Variants in PCNX4 observed in about 807,000 individuals in gnomAD.
PCNX4 encodes the protein pecanex-like protein 4.
In PCNX4, 103 loss-of-function variants were observed where a neutral mutation model predicts 107.2. That is an observed-to-expected ratio of 0.96 (90% confidence interval 0.82 to 1.13). The LOEUF (loss-of-function observed/expected upper bound fraction) is 1.13. PCNX4 is among the 50% of genes most tolerant of loss of function. The pLI is 0.00. For synonymous variants in PCNX4, 541 were observed against 481.7 expected, an observed-to-expected ratio of 1.12 and a Z score of -1.61; for missense variants, 1,528 against 1,379.4, an observed-to-expected ratio of 1.11 and a Z score of -1.71.
Position 60,140,990 on chromosome 14 carries a change from T to TA in PCNX4, c.*6770dup, listed in dbSNP as rs1214465378. On this transcript the variant is annotated 3_prime_UTR_variant, in exon 11 of 11. Coordinates refer to ENST00000406854, the MANE Select transcript of PCNX4 (RefSeq NM_001330177.2). This position sits in a 1 kb window ranked among gnomAD's most constrained non-coding sequence, Gnocchi z 4.2. ...GCTATGTAAGTGGCCAAATACTGCA[T>TA]AGGCAAGGGACAGGGAAAATTAATT... The TA allele has an allele frequency of 6.6e-6, 1 of 152,166 alleles. No homozygotes were observed. Among genetic ancestry groups the TA allele is most frequent in the Non-Finnish European group, 1.5e-5 (1 of 68,024 alleles). The allele number at this position is 152,166 out of a possible 1,614,324, so 9.4% of individuals were successfully genotyped here.
rs535912605 is a variant in PCNX4 at position 60,136,368 on chromosome 14, A to T, written c.*2147A>T. The T allele has an allele frequency of 6.6e-6, 1 of 152,170 alleles. No homozygotes were observed. The highest frequency in any genetic ancestry group is 6.5e-5 in the Admixed American group (1 of 15,280). The allele number at this position is 152,170 out of a possible 1,614,324, so 9.4% of individuals were successfully genotyped here. A position where few individuals can be genotyped will look rare whatever the true frequency, so the allele number is the denominator to read the frequency against. On this transcript the variant is annotated 3_prime_UTR_variant, in exon 11 of 11. Coordinates refer to ENST00000406854, the MANE Select transcript of PCNX4 (RefSeq NM_001330177.2). ...CTAGGCCCCCCTTTGTGTTTCTGCA[A>T]TCACCATAGATAATCTCATCTACTT...
chr14:60,109,646 G>A (rs1895697081), intron 2 of PCNX4: 1 of 163,804 alleles, frequency 6.1e-6, no homozygotes, highest in Admixed American at 6.5e-5. Flanking sequence ...TCGCCATGTT[G>A]GCCAGGCTGG....
intron 2 of PCNX4, among the ~76,000 whole-genome samples, chr14:60,113,983 A>T (rs1229038946): frequency 6.6e-6 from 1 of 152,214 alleles, no homozygotes; most frequent in Non-Finnish European, 1.5e-5. Flanking sequence ...TCACTACTTT[A>T]TGAGGAAATT....
intron 2 of PCNX4, 108 bp from the exon 3 acceptor site, chr14:60,114,592 T>TG: frequency 3.9e-6 from 3 of 773,026 alleles, no homozygotes; most frequent in Non-Finnish European, 5.5e-6. Context: ...GTGTGTGTGG[T>TG]TTTTTTTTGG....
chr14:60,115,806 G>A lies in PCNX4; in HGVS notation c.1445G>A (p.Arg482Lys). Residue 482 changes from arginine (R) to lysine (K), a missense_variant, in exon 5 of 11, where the codon AGA becomes AAA. Coordinates refer to ENST00000406854, the MANE Select transcript of PCNX4 (RefSeq NM_001330177.2). Reference sequence around the variant, plus strand: ...GTGTCTGTCTGTATTGGATTCACAAGAGCCTTTAGAATGGTAATCCTAATA... The same window carrying A: ...GTGTCTGTCTGTATTGGATTCACAAAAGCCTTTAGAATGGTAATCCTAATA... ...HSVSVCIGFTRAFRMVWQNTE... is the reference protein window; with the variant it reads ...HSVSVCIGFTKAFRMVWQNTE... The A allele has an allele frequency of 6.2e-7, 1 of 1,611,166 alleles. No homozygotes were observed. Among genetic ancestry groups the A allele is most frequent in the Non-Finnish European group, 8.5e-7 (1 of 1,177,630 alleles).
At chr14:60,125,913 T>A (rs1464675080) in intron 10 of PCNX4, 90 bp downstream of exon 10, 1 of 857,702 alleles carries the variant, frequency 1.2e-6, no homozygotes, top group Non-Finnish European at 1.6e-6. Context: ...ATAAATGATA[T>A]AACGTTATAG....
chr14:60,093,338 A>G (rs1348935879), intron 1 of PCNX4, among the ~76,000 whole-genome samples: 6 of 152,196 alleles, frequency 3.9e-5, no homozygotes, highest in Non-Finnish European at 7.3e-5. Flanking sequence ...TACCCTCAGC[A>G]GTCACCACCT....
Position 60,134,103 on chromosome 14 carries a change from A to G in PCNX4, c.3401A>G (p.Glu1134Gly). The part of the protein sequence containing the change: ...ELLYATNDDE[E>G]RYSIQAHPLL... The stretch of plus-strand genomic sequence containing the variant: ...CTTTATGCCACAAACGATGATGAAG[A>G]ACGTTATAGTATACAAGCTCATCCA... Residue 1134 changes from glutamate to glycine, a missense_variant, in exon 11 of 11, where the codon GAA becomes GGA. Coordinates refer to ENST00000406854, the MANE Select transcript of PCNX4 (RefSeq NM_001330177.2). 6.2e-7 allele frequency: 1 copy of G among 1,613,906 alleles called. No homozygotes were observed.
intron 10 of PCNX4, among the ~76,000 whole-genome samples, chr14:60,128,144 G>A (rs2140565337): frequency 6.7e-6 from 1 of 149,698 alleles, no homozygotes; most frequent in East Asian, 2.0e-4. Flanking sequence ...ATCGGAAGGA[G>A]AGGAGAGAGA....
chr14:60,125,740 G>A lies in PCNX4; in HGVS notation c.3184G>A (p.Gly1062Ser). 1 of 1,611,240 alleles carries A rather than the reference G, an allele frequency of 6.2e-7. No homozygotes were observed. The highest frequency in any genetic ancestry group is 2.2e-5 in the East Asian group (1 of 44,676). Reference sequence around the variant, plus strand: ...AGAATATGAACGTGACTGGTACATTGGTTTGGTATCTGATGAAAAGTGGAA... The same window carrying A: ...AGAATATGAACGTGACTGGTACATTAGTTTGGTATCTGATGAAAAGTGGAA... Reference protein sequence around the residue: ...LEEYERDWYIGLVSDEKWKEA... With the variant: ...LEEYERDWYISLVSDEKWKEA... Residue 1062 changes from glycine to serine, a missense_variant, in exon 10 of 11, where the codon GGT becomes AGT. Gly to Ser is a moderately conservative substitution (Grantham distance 56, BLOSUM62 0). Transcript: ENST00000406854.
In PCNX4 at chr14:60,140,816, T is replaced by G. The variant is rs1450997232; in HGVS notation, c.*6595T>G. 1 of 152,218 alleles carries G rather than the reference T, an allele frequency of 6.6e-6. No individual in the cohort carries two copies. The highest frequency in any genetic ancestry group is 1.5e-5 in the Non-Finnish European group (1 of 68,028). The allele number at this position is 152,218 out of a possible 1,614,324, so 9.4% of individuals were successfully genotyped here. ...TAAAAAGTTTGCTTTTTAATATTCATCTTTATTTTTCTTATCTTGAGTATG... is the reference window on the plus strand; with the variant it reads ...TAAAAAGTTTGCTTTTTAATATTCAGCTTTATTTTTCTTATCTTGAGTATG... On this transcript the variant is annotated 3_prime_UTR_variant, in exon 11 of 11. Coordinates refer to ENST00000406854, the MANE Select transcript of PCNX4 (RefSeq NM_001330177.2). This position sits in a 1 kb window ranked among gnomAD's most constrained non-coding sequence, Gnocchi z 4.2.
At chr14:60,129,544 C>T (rs577330879) in intron 10 of PCNX4, among the ~76,000 whole-genome samples, 1 of 152,280 alleles carries the variant, frequency 6.6e-6, no homozygotes, top group East Asian at 1.9e-4. Flanking sequence ...TGGAGCAAGA[C>T]CCTGTCTCTG....
In PCNX4 at chr14:60,137,784, TC is replaced by T. The variant is rs1896256445; in HGVS notation, c.*3564del. On this transcript the variant is annotated 3_prime_UTR_variant, in exon 11 of 11. Coordinates refer to ENST00000406854, the MANE Select transcript of PCNX4 (RefSeq NM_001330177.2). ...AGTCCCCAACTTAAAAGTACATTAATCAAGTTTAAGAATTCAGTGAATAGGC... is the reference window on the plus strand; with the variant it reads ...AGTCCCCAACTTAAAAGTACATTAATAAGTTTAAGAATTCAGTGAATAGGC... 3 of 152,234 alleles carry T rather than the reference TC, an allele frequency of 2.0e-5. No homozygotes were observed. The South Asian group carries it at 6.2e-4, about 32-fold the overall frequency. 9.4% of individuals were successfully genotyped at this position (152,234 alleles called of 1,614,324 possible). A position where few individuals can be genotyped will look rare whatever the true frequency, so the allele number is the denominator to read the frequency against.
rs566703732 is a variant in PCNX4 at position 60,125,530 on chromosome 14, A to G, written c.3081-107A>G. The G allele has an allele frequency of 6.6e-5, 56 of 844,100 alleles. 1 individual carries two copies. In the South Asian group the frequency reaches 1.5e-3, roughly 22 times the overall value. The allele number at this position is 844,100 out of a possible 1,614,324, so 52.3% of individuals were successfully genotyped here. ...TTCCTCCACTTTTTATCTGAAATAG[A>G]TATGATTTCAGTTCAATGTCTTAAA... On this transcript the variant is annotated intron_variant, in intron 9 of 10. Coordinates refer to ENST00000406854, the MANE Select transcript of PCNX4 (RefSeq NM_001330177.2).
chr14:60,097,044 C>T (rs1254497120), intron 1 of PCNX4, among the ~76,000 whole-genome samples: 1 of 66,642 alleles, frequency 1.5e-5, no homozygotes, highest in Non-Finnish European at 4.8e-5. Flanking sequence ...TTAGTATTTT[C>T]TACAGTTTAA....
rs1181102708 is a variant in PCNX4, at chr14:60,138,215, CA to C, written c.*3998del. Reference sequence around the variant, plus strand: ...ATACCAGATGTGAAAAACTAAGAGACAAAAGAATAGAAAATATAGTAGAGAG... The same window carrying C: ...ATACCAGATGTGAAAAACTAAGAGACAAAGAATAGAAAATATAGTAGAGAG... On this transcript the variant is annotated 3_prime_UTR_variant, in exon 11 of 11. Coordinates refer to ENST00000406854, the MANE Select transcript of PCNX4 (RefSeq NM_001330177.2). The C allele has an allele frequency of 2.0e-5, 3 of 151,094 alleles. No homozygotes were observed. The highest frequency in any genetic ancestry group is 4.9e-5 in the African/African-American group (2 of 41,062). The allele number at this position is 151,094 out of a possible 1,614,324, so 9.4% of individuals were successfully genotyped here. A position where few individuals can be genotyped will look rare whatever the true frequency, so the allele number is the denominator to read the frequency against.
At chr14:60,125,550 C>T (rs1369426860) in intron 9 of PCNX4, 87 bp from the exon 10 acceptor site, 1 of 1,002,082 alleles carries the variant, frequency 1.0e-6, no homozygotes, top group Non-Finnish European at 1.4e-6. Flanking sequence ...AGTTCAATGT[C>T]TTAAAATATT....
In PCNX4 at chr14:60,142,253, T is replaced by C. The variant is rs1294911429; in HGVS notation, c.*8032T>C. On this transcript the variant is annotated 3_prime_UTR_variant, in exon 11 of 11. Transcript: ENST00000406854. This position sits in a 1 kb window ranked among gnomAD's most constrained non-coding sequence, Gnocchi z 4.7. The stretch of plus-strand genomic sequence containing the variant: ...TATGCAGTTTATCATACATCAATTA[T>C]ACCTCAGTAAAGGTGTCAGAAATAA... The C allele has an allele frequency of 6.6e-6, 1 of 152,214 alleles. No individual in the cohort carries two copies. The highest frequency in any genetic ancestry group is 6.5e-5 in the Admixed American group (1 of 15,282). The allele number at this position is 152,214 out of a possible 1,614,324, so 9.4% of individuals were successfully genotyped here. A position where few individuals can be genotyped will look rare whatever the true frequency, so the allele number is the denominator to read the frequency against.
chr14:60,118,612 G>A lies in PCNX4; in HGVS notation c.1862G>A (p.Cys621Tyr). Residue 621 changes from cysteine (C) to tyrosine (Y), a missense_variant, in exon 7 of 11, where the codon TGT (cysteine) becomes TAT (tyrosine). Cys to Tyr is a radical substitution (Grantham distance 194, BLOSUM62 -2). Transcript: ENST00000406854. The stretch of plus-strand genomic sequence containing the variant: ...GCAGCAGGCACCACAGCCTGTGTGT[G>A]TGCAGATACAGTGTACTACTACCAA... ...PGAAGTTACV[C>Y]ADTVYYYQMV... The A allele has an allele frequency of 6.2e-7, 1 of 1,613,786 alleles. No individual in the cohort carries two copies. Among genetic ancestry groups the A allele is most frequent in the Non-Finnish European group, 8.5e-7 (1 of 1,179,812 alleles).
Sources: allele counts gnomAD v4.1 joint callset (sites outside exome capture counted in the v4.1 genomes callset), GRCh38; gene constraint gnomAD v4.1.1; non-coding constraint Gnocchi (gnomAD v3.1); transcripts MANE v1.5; gene names NCBI Gene and HGNC (gene_info 2026-07-23, HGNC 2026-07-21).